CLSTN2: variants seen among roughly 807,000 people sequenced by gnomAD.
The protein encoded by CLSTN2 is calsyntenin-2.
CLSTN2 carries 48 observed loss-of-function variants against 101.2 expected under a neutral mutation model. That is an observed-to-expected ratio of 0.47 (90% CI 0.38 to 0.60). The LOEUF (loss-of-function observed/expected upper bound fraction) is 0.60, where lower values mean the gene tolerates loss of function less well. Among genes scored for constraint, CLSTN2 ranks in the 20% least tolerant of loss-of-function variants. CLSTN2 has a pLI of 0.00. For missense variants in CLSTN2, 1,160 were observed against 1,238.2 expected, an observed-to-expected ratio of 0.94 and a Z score of 0.95; for synonymous variants, 481 against 463.6, an observed-to-expected ratio of 1.04 and a Z score of -0.48.
chr3:140,094,767 A>G (rs1235675764), intron 1 of CLSTN2, among the ~76,000 whole-genome samples: 35 of 152,174 alleles, frequency 2.3e-4, no homozygotes. Flanking sequence ...CTGTGCCCCC[A>G]AGTTATACTG....
chr3:140,196,938 A>G (rs1034610713), intron 2 of CLSTN2, among the ~76,000 whole-genome samples: 1 of 152,182 alleles, frequency 6.6e-6, no homozygotes, highest in Non-Finnish European at 1.5e-5. Context: ...CACATTTTTT[A>G]TGAGTTTTGG....
chr3:140,040,265 A>G (rs1377243896), intron 1 of CLSTN2, among the ~76,000 whole-genome samples: 1 of 152,150 alleles, frequency 6.6e-6, no homozygotes, highest in South Asian at 2.1e-4. Flanking sequence ...GCACTGCGCT[A>G]TCCGTGTGCT....
At chr3:140,399,041 C>T (rs563608471) in intron 2 of CLSTN2, among the ~76,000 whole-genome samples, 3 of 152,340 alleles carry the variant, frequency 2.0e-5, no homozygotes, top group East Asian at 3.9e-4. Flanking sequence ...GGCCCACAGC[C>T]CATGTGAGCC....
intron 2 of CLSTN2, among the ~76,000 whole-genome samples, chr3:140,384,342 A>T (rs1302401585): frequency 6.6e-6 from 1 of 152,214 alleles, no homozygotes; most frequent in East Asian, 1.9e-4. Context: ...GCTGGGAGTT[A>T]TGAGTCTTAA....
At chr3:140,511,326 C>T (rs562666592) in intron 8 of CLSTN2, among the ~76,000 whole-genome samples, 11 of 152,148 alleles carry the variant, frequency 7.2e-5, no homozygotes, top group East Asian at 1.9e-4. Context: ...CTACAGTGAA[C>T]GTACACGTGC....
intron 1 of CLSTN2, among the ~76,000 whole-genome samples, chr3:140,032,644 C>CT (rs1449222191): frequency 6.6e-6 from 1 of 152,108 alleles, no homozygotes; most frequent in East Asian, 1.9e-4. Flanking sequence ...GCCACAAGTA[C>CT]TTTTTTCTGG....
chr3:139,969,054 C>T (rs1935650403), intron 1 of CLSTN2, among the ~76,000 whole-genome samples: 1 of 151,444 alleles, frequency 6.6e-6, no homozygotes, highest in Admixed American at 6.6e-5. Flanking sequence ...TATGTATATG[C>T]TTTTTTATTC....
intron 2 of CLSTN2, among the ~76,000 whole-genome samples, chr3:140,347,616 G>A (rs771784035): frequency 1.2e-4 from 19 of 152,200 alleles, no homozygotes; most frequent in Non-Finnish European, 2.1e-4. Context: ...AGCCATCCTA[G>A]CAAATATACT....
chr3:140,338,844 A>T (rs1470997790), intron 2 of CLSTN2, among the ~76,000 whole-genome samples: 1 of 152,190 alleles, frequency 6.6e-6, no homozygotes, highest in Non-Finnish European at 1.5e-5. Context: ...GCCCCCTTAT[A>T]GCCTGGCTAG....
chr3:140,530,970 C>T (rs796755783), intron 8 of CLSTN2, among the ~76,000 whole-genome samples: 16 of 152,270 alleles, frequency 1.1e-4, no homozygotes, highest in South Asian at 6.2e-4. Context: ...TCTTTGGGTT[C>T]GGTGCTTGAT....
At chr3:140,358,175 GTC>G (rs2087693585) in intron 2 of CLSTN2, among the ~76,000 whole-genome samples, 1 of 152,128 alleles carries the variant, frequency 6.6e-6, no homozygotes, top group Non-Finnish European at 1.5e-5. Flanking sequence ...TGCCTCTCCA[GTC>G]TCTCAAAGTG....
chr3:140,300,396 G>A (rs72990196), intron 2 of CLSTN2, among the ~76,000 whole-genome samples: 3,187 of 152,210 alleles, frequency 0.021, 118 homozygotes, highest in African/African-American at 0.072. Context: ...CCTTCAGCAT[G>A]TACTAAATTC....
intron 1 of CLSTN2, among the ~76,000 whole-genome samples, chr3:139,952,808 C>T (rs866161320): frequency 5.9e-5 from 9 of 152,134 alleles, no homozygotes; most frequent in South Asian, 4.2e-4. Context: ...ACATGTCATT[C>T]CTAGGCAGTG....
At chr3:139,975,277 TG>T (rs943060852) in intron 1 of CLSTN2, among the ~76,000 whole-genome samples, 13 of 151,600 alleles carry the variant, frequency 8.6e-5, no homozygotes, top group African/African-American at 2.7e-4. Context: ...TTGGGCAAAG[TG>T]GGGGGCACTA....
chr3:140,428,273 CTA>C (rs2107996185), intron 5 of CLSTN2, among the ~76,000 whole-genome samples: 1 of 150,574 alleles, frequency 6.6e-6, no homozygotes, highest in South Asian at 2.1e-4. Context: ...CTTTTTTTTT[CTA>C]TGTTTCAAGC....
Position 140,403,825 on chromosome 3 carries a change from G to A in CLSTN2, c.428+1G>A. 1 of 1,607,092 alleles carries A rather than the reference G, an allele frequency of 6.2e-7. No homozygotes were observed. Among genetic ancestry groups the A allele is most frequent in the Non-Finnish European group, 8.5e-7 (1 of 1,175,516 alleles). ...AGACAGCCTGGAAAAAGTCACACAA[G>A]TGAGTGGCCTGACAGAGCCCTCTGG... On this transcript the variant is annotated splice_donor_variant, in intron 3 of 16. Transcript: ENST00000458420. LOFTEE classifies it high-confidence loss of function.
At chr3:140,431,973 T>C (rs974569630) in intron 5 of CLSTN2, among the ~76,000 whole-genome samples, 2 of 152,190 alleles carry the variant, frequency 1.3e-5, no homozygotes, top group African/African-American at 4.8e-5. Flanking sequence ...ATGCTATGAT[T>C]AAATTGGGAA....
chr3:140,504,386 C>A (rs1576602092), intron 8 of CLSTN2, among the ~76,000 whole-genome samples: 1 of 151,970 alleles, frequency 6.6e-6, no homozygotes, highest in Non-Finnish European at 1.5e-5. Context: ...AGGTGGTGCT[C>A]CACTATTCTG....
rs1455916538 is a variant in CLSTN2 at position 140,172,086 on chromosome 3, A to ATG, written c.110-3862_110-3861dup. Among the ~76,000 whole-genome samples the ATG allele has an allele frequency of 4.6e-5, 7 of 150,866 alleles. No individual in the cohort carries two copies. The Admixed American group carries it at 4.7e-4, about 10-fold the overall frequency. On this transcript the variant is annotated intron_variant, in intron 1 of 16. Coordinates refer to ENST00000458420, the MANE Select transcript of CLSTN2 (RefSeq NM_022131.3). ...CAGGATGCTGTGGGAAGCACTGCATATGTGACCACACCTTTTAAACTATGA... is the reference window on the plus strand; with the variant it reads ...CAGGATGCTGTGGGAAGCACTGCATATGTGTGACCACACCTTTTAAACTATGA...
Sources: gnomAD v4.1 joint callset for allele counts (sites outside exome capture counted in the v4.1 genomes callset) on GRCh38, gnomAD v4.1.1 for gene constraint, MANE v1.5 for transcripts, NCBI Gene and HGNC (gene_info 2026-07-23, HGNC 2026-07-21) for gene names.